The following FAT3 variants were observed in gnomAD, a reference collection of about 807,000 sequenced individuals.
The protein encoded by FAT3 is FAT atypical cadherin 3, also known as protocadherin Fat 3.
A neutral mutation model predicts 310.2 loss-of-function variants in FAT3; 95 were observed. The observed-to-expected ratio is 0.31, with a 90% CI of 0.26 to 0.36. The LOEUF is 0.36. Among genes scored for constraint, FAT3 ranks in the 10% least tolerant of loss-of-function variants. The pLI is 1.00. For synonymous variants in FAT3, 2,314 were observed against 2,192.9 expected, an observed-to-expected ratio of 1.06 and a Z score of -1.54; for missense variants, 5,408 against 5,715.6, an observed-to-expected ratio of 0.95 and a Z score of 1.74.
chr11:92,438,197 AC>A (rs1373564683), intron 2 of FAT3, among the ~76,000 whole-genome samples: 1 of 152,158 alleles, frequency 6.6e-6, no homozygotes, highest in Non-Finnish European at 1.5e-5. Context: ...TAAAATAAAG[AC>A]ATGTTAAATA....
intron 4 of FAT3, among the ~76,000 whole-genome samples, chr11:92,744,952 CT>C (rs1945614756): frequency 6.6e-6 from 1 of 152,112 alleles, no homozygotes; most frequent in African/African-American, 2.4e-5. Context: ...TGTTGAATTG[CT>C]GAGAGGAGAA....
chr11:92,878,909 C>T (rs1195960617), intron 22 of FAT3, among the ~76,000 whole-genome samples: 2 of 151,982 alleles, frequency 1.3e-5, no homozygotes, highest in South Asian at 2.1e-4. Context: ...AAGAAATTTT[C>T]CTAAAGTGAA....
At chr11:92,454,388 C>G (rs763476245) in intron 2 of FAT3, among the ~76,000 whole-genome samples, 2 of 152,124 alleles carry the variant, frequency 1.3e-5, no homozygotes, top group Admixed American at 6.5e-5. Context: ...ATAGTGCAAC[C>G]AGCCTGATCT....
chr11:92,352,689 T>C lies in FAT3; in HGVS notation c.577T>C (p.Phe193Leu), dbSNP rs758932506. 1 of 1,613,846 alleles carries C rather than the reference T, an allele frequency of 6.2e-7. No individual in the cohort carries two copies. The highest frequency in any genetic ancestry group is 1.1e-5 in the South Asian group (1 of 91,082). ...CGCAGATATTGGTTCCAATGGAGAA[T>C]TCTACTACTACTTTAAAAATAAAGT... is the stretch of plus-strand genomic sequence containing the variant. ...TDADIGSNGE[F>L]YYYFKNKVDL... The change falls in exon 2 of 28, where the codon TTC becomes CTC. Residue 193 changes from phenylalanine (F) to leucine (L), a missense_variant. Physicochemically the swap from Phe to Leu is conservative, Grantham distance 22. Around this residue, in one of 5 missense-constraint regions of FAT3, gnomAD observed 4,588 missense variants for 4,809.8 expected, o/e 0.95. Coordinates refer to ENST00000525166, the MANE Select transcript of FAT3 (RefSeq NM_001367949.2).
intron 1 of FAT3, among the ~76,000 whole-genome samples, chr11:92,246,839 G>C (rs915386904): frequency 6.6e-6 from 1 of 152,066 alleles, no homozygotes; most frequent in Admixed American, 6.6e-5. Flanking sequence ...ACAAAACATA[G>C]AGGTTACTGA....
chr11:92,471,913 T>C (rs1167420746), intron 2 of FAT3, among the ~76,000 whole-genome samples: 4 of 81,626 alleles, frequency 4.9e-5, no homozygotes, highest in African/African-American at 1.7e-4. Flanking sequence ...ACTTTTCATA[T>C]GCTATATATA....
At chr11:92,328,967 A>G (rs1264300576) in intron 1 of FAT3, among the ~76,000 whole-genome samples, 2 of 152,198 alleles carry the variant, frequency 1.3e-5, no homozygotes, top group Admixed American at 6.5e-5. Context: ...TGTTTAAATT[A>G]CCAGATTATA....
intron 3 of FAT3, among the ~76,000 whole-genome samples, chr11:92,619,313 T>C (rs1324924581): frequency 1.3e-5 from 2 of 152,190 alleles, no homozygotes; most frequent in East Asian, 1.9e-4. Flanking sequence ...ATAAGAGATA[T>C]TGATCTTTGG....
intron 1 of FAT3, among the ~76,000 whole-genome samples, chr11:92,327,666 G>A (rs867662589): frequency 6.6e-5 from 10 of 152,096 alleles, no homozygotes; most frequent in Middle Eastern, 3.2e-3. Context: ...TGTTTAAAAC[G>A]GAGTCAGCAG....
At chr11:92,638,878 A>G (rs894887308) in intron 3 of FAT3, among the ~76,000 whole-genome samples, 4 of 152,184 alleles carry the variant, frequency 2.6e-5, no homozygotes, top group African/African-American at 4.8e-5. Context: ...GTTTCAGACT[A>G]TAAGAGTGCT....
chr11:92,625,696 A>G (rs1941299770), intron 3 of FAT3, among the ~76,000 whole-genome samples: 1 of 151,228 alleles, frequency 6.6e-6, no homozygotes. Context: ...GGGTGGGCAG[A>G]TTGTCAGCCC....
chr11:92,540,596 T>A (rs958609120), intron 3 of FAT3, among the ~76,000 whole-genome samples: 1 of 152,172 alleles, frequency 6.6e-6, no homozygotes, highest in Non-Finnish European at 1.5e-5. Flanking sequence ...CCATGACAGA[T>A]CTCTTGGATT....
At chr11:92,689,918 T>C (rs1943748691) in intron 3 of FAT3, among the ~76,000 whole-genome samples, 1 of 152,168 alleles carries the variant, frequency 6.6e-6, no homozygotes, top group African/African-American at 2.4e-5. Flanking sequence ...TTGACCCAAA[T>C]GCTTCTAATC....
chr11:92,375,201 A>G (rs1424833400), intron 2 of FAT3, among the ~76,000 whole-genome samples: 3 of 152,086 alleles, frequency 2.0e-5, no homozygotes, highest in Non-Finnish European at 4.4e-5. Flanking sequence ...TTGTGGGGTC[A>G]TAGCTTACAG....
chr11:92,646,967 A>G (rs184269900), intron 3 of FAT3, among the ~76,000 whole-genome samples: 108 of 152,272 alleles, frequency 7.1e-4, no homozygotes, highest in Admixed American at 3.5e-3. Flanking sequence ...TGAGAATCAT[A>G]CTAGGCATAG....
chr11:92,557,547 A>G (rs1402714764), intron 3 of FAT3, among the ~76,000 whole-genome samples: 1 of 152,164 alleles, frequency 6.6e-6, no homozygotes, highest in African/African-American at 2.4e-5. Context: ...GTTGAACCCC[A>G]GGCCACTGAT....
chr11:92,316,151 G>A (rs1234257202), intron 1 of FAT3, among the ~76,000 whole-genome samples: 1 of 151,946 alleles, frequency 6.6e-6, no homozygotes, highest in African/African-American at 2.4e-5. Context: ...GTCCTCTGTG[G>A]AGTCTACAGC....
chr11:92,429,042 C>T (rs1440403230), intron 2 of FAT3, among the ~76,000 whole-genome samples: 1 of 152,114 alleles, frequency 6.6e-6, no homozygotes, highest in Admixed American at 6.6e-5. Flanking sequence ...TAAGAACTTG[C>T]TTTATGAATC....
intron 1 of FAT3, among the ~76,000 whole-genome samples, chr11:92,235,388 C>G (rs553951512): frequency 6.6e-6 from 1 of 152,238 alleles, no homozygotes; most frequent in Admixed American, 6.5e-5. Context: ...CACTCAGGTC[C>G]CCCTACACTT....
Sources: allele counts gnomAD v4.1 joint callset (sites outside exome capture counted in the v4.1 genomes callset), GRCh38; gene constraint gnomAD v4.1.1; regional missense constraint gnomAD v4.1.1; transcripts MANE v1.5; gene names NCBI Gene and HGNC (gene_info 2026-07-23, HGNC 2026-07-21).